Variants in REEP3 observed in about 807,000 individuals in gnomAD.
The protein encoded by REEP3 is receptor expression-enhancing protein 3.
REEP3 carries 20 observed loss-of-function variants against 41.3 expected under a neutral mutation model. The observed-to-expected ratio is 0.48, with a 90% CI of 0.34 to 0.70. The LOEUF (loss-of-function observed/expected upper bound fraction) is 0.70, where lower values mean the gene tolerates loss of function less well. Ranked by LOEUF, REEP3 falls within the 30% of genes least tolerant of loss-of-function variation. The probability of loss-of-function intolerance (pLI) is 0.01; values close to 1 mark genes in which losing one functional copy is unlikely to be tolerated. For missense variants in REEP3, 271 were observed against 308.8 expected, an observed-to-expected ratio of 0.88 and a Z score of 0.92; for synonymous variants, 104 against 101.8, an observed-to-expected ratio of 1.02 and a Z score of -0.13.
chr10:63,542,204 C>T (rs1297710382), intron 1 of REEP3, among the ~76,000 whole-genome samples: 1 of 152,002 alleles, frequency 6.6e-6, no homozygotes. Flanking sequence ...TTCAGCCCCA[C>T]TAGTAGCTGG....
intron 1 of REEP3, among the ~76,000 whole-genome samples, chr10:63,551,674 C>T (rs1201534008): frequency 6.6e-6 from 1 of 152,062 alleles, no homozygotes; most frequent in Non-Finnish European, 1.5e-5. Flanking sequence ...AGTAGCACTC[C>T]TCAAAACTAT....
intron 2 of REEP3, among the ~76,000 whole-genome samples, chr10:63,581,160 C>T (rs1329449947): frequency 6.6e-6 from 1 of 152,168 alleles, no homozygotes; most frequent in African/African-American, 2.4e-5. Flanking sequence ...TGTACATCAT[C>T]TTTCCATTAT....
intron 5 of REEP3, among the ~76,000 whole-genome samples, chr10:63,606,364 T>TTCTCTGTCTTTCTTTCTTTCTTTCTC (rs10687622): frequency 1.3e-5 from 2 of 150,350 alleles, no homozygotes; most frequent in East Asian, 3.9e-4. Context: ...CTTTCTTTCT[T>TTCTCTGTCTTTCTTTCTTTCTTTCTC]TGTCTTTCTT....
intron 6 of REEP3, among the ~76,000 whole-genome samples, chr10:63,611,784 A>ATT (rs201172016): frequency 1.3e-5 from 2 of 151,550 alleles, no homozygotes; most frequent in Non-Finnish European, 1.5e-5. Flanking sequence ...TGCAAAAAAA[A>ATT]ATTTTTTTTT....
At chr10:63,521,728 G>T (rs1371043156) in intron 1 of REEP3, 151 bp downstream of exon 1, 3 of 417,266 alleles carry the variant, frequency 7.2e-6, no homozygotes, top group Admixed American at 4.7e-5. Context: ...GGAGCCCTCG[G>T]CTTCCTCACC....
chr10:63,559,417 A>AT (rs1955720872), intron 1 of REEP3, among the ~76,000 whole-genome samples: 1 of 151,904 alleles, frequency 6.6e-6, no homozygotes, highest in African/African-American at 2.4e-5. Flanking sequence ...CTTTTTTCTT[A>AT]TTTTTTTAAA....
intron 5 of REEP3, among the ~76,000 whole-genome samples, chr10:63,605,909 A>G (rs929423991): frequency 4.6e-5 from 7 of 152,174 alleles, no homozygotes; most frequent in Non-Finnish European, 8.8e-5. Context: ...CAGCCCCTGC[A>G]GTATTCTCAG....
intron 1 of REEP3, among the ~76,000 whole-genome samples, chr10:63,542,296 G>A (rs183203994): frequency 6.6e-6 from 1 of 151,852 alleles, no homozygotes; most frequent in African/African-American, 2.4e-5. Context: ...AGTTGGTCTC[G>A]AACTCCTGAC....
intron 1 of REEP3, among the ~76,000 whole-genome samples, chr10:63,552,701 A>G (rs1435106890): frequency 6.6e-6 from 1 of 152,184 alleles, no homozygotes; most frequent in Non-Finnish European, 1.5e-5. Context: ...AAAAGTAGTA[A>G]AGTTAGGATT....
intron 2 of REEP3, among the ~76,000 whole-genome samples, chr10:63,585,281 G>C (rs1327070687): frequency 6.6e-6 from 1 of 152,070 alleles, no homozygotes; most frequent in African/African-American, 2.4e-5. Flanking sequence ...AAATGGCAGG[G>C]GTGGTTGTTA....
At chr10:63,545,446 C>G (rs919500972) in intron 1 of REEP3, among the ~76,000 whole-genome samples, 1 of 152,054 alleles carries the variant, frequency 6.6e-6, no homozygotes, top group African/African-American at 2.4e-5. Flanking sequence ...GCGGTCTCGG[C>G]TCACTGCAAC....
At chr10:63,592,213 T>C (rs1406246382) in intron 2 of REEP3, among the ~76,000 whole-genome samples, 1 of 152,186 alleles carries the variant, frequency 6.6e-6, no homozygotes, top group East Asian at 1.9e-4. Flanking sequence ...TCCTTTGGGC[T>C]TCAAGGTGGA....
chr10:63,594,805 T>C lies in REEP3; in HGVS notation c.133T>C (p.Phe45Leu), dbSNP rs1310674245. Residue 45 changes from phenylalanine to leucine, a missense_variant, in exon 3 of 8, where the codon TTT (phenylalanine) becomes CTT (leucine). Transcript: ENST00000373758. ...TCGATGGATGATGTACTGGATTGTT[T>C]TTGCTCTCTATACTGTGATTGAAAC... ...YVRWMMYWIV[F>L]ALYTVIETVA... 2 of 1,612,604 alleles carry C rather than the reference T, an allele frequency of 1.2e-6. No individual in the cohort carries two copies. Among genetic ancestry groups the C allele is most frequent in the Non-Finnish European group, 1.7e-6 (2 of 1,178,734 alleles).
At position 63,568,424 on chromosome 10, in the gene REEP3, G is replaced by T. The variant is rs1186291983; in HGVS notation, c.105+2014G>T. On this transcript the variant is annotated intron_variant, in intron 2 of 7. Transcript: ENST00000373758. Reference sequence around the variant, plus strand: ...TGGGACTACAGGCGCCCGCCACCACGCCCTGCTAATTTTTTTGTATTTTTA... The same window carrying T: ...TGGGACTACAGGCGCCCGCCACCACTCCCTGCTAATTTTTTTGTATTTTTA... 3.3e-5 allele frequency among the ~76,000 whole-genome samples: 5 copies of T among 151,718 alleles called. No homozygotes were observed. In the South Asian group the frequency reaches 6.3e-4, roughly 19 times the overall value.
chr10:63,574,854 T>TC, intron 2 of REEP3, among the ~76,000 whole-genome samples: 1 of 100,402 alleles, frequency 1.0e-5, no homozygotes, highest in African/African-American at 3.3e-5. Context: ...TTTCTTTTTT[T>TC]TTTTTTTTTT....
intron 1 of REEP3, among the ~76,000 whole-genome samples, chr10:63,537,991 T>G (rs1955491363): frequency 6.8e-6 from 1 of 146,058 alleles, no homozygotes; most frequent in Non-Finnish European, 1.5e-5. Context: ...TCTATTCAGA[T>G]AACAGTTGTT....
At chr10:63,556,333 G>T (rs1027259833) in intron 1 of REEP3, among the ~76,000 whole-genome samples, 2 of 151,606 alleles carry the variant, frequency 1.3e-5, no homozygotes, top group African/African-American at 4.8e-5. Context: ...TGTTGGTCAG[G>T]CTGGTCTCGA....
intron 1 of REEP3, among the ~76,000 whole-genome samples, chr10:63,545,455 A>G (rs1046364727): frequency 4.0e-5 from 6 of 151,872 alleles, no homozygotes; most frequent in East Asian, 1.9e-4. Context: ...GCTCACTGCA[A>G]CCTCCGCCTC....
intron 1 of REEP3, among the ~76,000 whole-genome samples, chr10:63,539,776 C>T (rs1955512091): frequency 6.6e-6 from 1 of 152,166 alleles, no homozygotes; most frequent in Non-Finnish European, 1.5e-5. Flanking sequence ...AACCCTTTCT[C>T]AGACTTCATT....
Sources: allele counts gnomAD v4.1 joint callset (sites outside exome capture counted in the v4.1 genomes callset), GRCh38; gene constraint gnomAD v4.1.1; transcripts MANE v1.5; gene names NCBI Gene and HGNC (gene_info 2026-07-23, HGNC 2026-07-21).